SLC16A10: variants seen among roughly 807,000 people sequenced by gnomAD.
SLC16A10 encodes monocarboxylate transporter 10.
In SLC16A10, 27 loss-of-function variants were observed where a neutral mutation model predicts 40.0. That is an observed-to-expected ratio of 0.67 (90% CI 0.50 to 0.93). SLC16A10 has a LOEUF of 0.93. Ranked by LOEUF, SLC16A10 falls within the 40% of genes least tolerant of loss-of-function variation. SLC16A10 has a pLI of 0.00. For synonymous variants in SLC16A10, 213 were observed against 249.8 expected, an observed-to-expected ratio of 0.85 and a Z score of 1.39; for missense variants, 529 against 658.2, an observed-to-expected ratio of 0.80 and a Z score of 2.15.
At chr6:111,180,288 A>G (rs549565630) in intron 3 of SLC16A10, among the ~76,000 whole-genome samples, 1 of 152,348 alleles carries the variant, frequency 6.6e-6, no homozygotes, top group African/African-American at 2.4e-5. Context: ...TCACGCCTAT[A>G]ATCTCACCAC....
chr6:111,118,512 T>C (rs1771528141), intron 1 of SLC16A10, among the ~76,000 whole-genome samples: 1 of 151,818 alleles, frequency 6.6e-6, no homozygotes, highest in East Asian at 1.9e-4. Flanking sequence ...AAACCCTGTC[T>C]CTACTAAAAA....
chr6:111,087,977 G>A lies in SLC16A10; in HGVS notation c.225G>A (p.Leu75=), dbSNP rs779330400. Reference sequence around the variant, plus strand: ...GCGGCTGGGGCTGGCTGGTGATGCTGGCGGCCATGTGGTGCAACGGGTCGG... The same window carrying A: ...GCGGCTGGGGCTGGCTGGTGATGCTAGCGGCCATGTGGTGCAACGGGTCGG... ...PEGGWGWLVM[L]AAMWCNGSVF... Residue 75 remains leucine (L), a synonymous_variant, in exon 1 of 6, where the codon CTG becomes CTA. Coordinates refer to ENST00000368851, the MANE Select transcript of SLC16A10 (RefSeq NM_018593.5). 2.5e-6 allele frequency: 4 copies of A among 1,611,244 alleles called. No individual in the cohort carries two copies. Among genetic ancestry groups the A allele is most frequent in the African/African-American group, 1.3e-5 (1 of 74,834 alleles).
At position 111,142,880 on chromosome 6, in the gene SLC16A10, G is replaced by T. The variant is rs111254256; in HGVS notation, c.344-29815G>T. 2.5e-3 allele frequency among the ~76,000 whole-genome samples: 388 copies of T among 152,322 alleles called. 2 individuals are homozygous for T. The highest frequency in any genetic ancestry group is 8.8e-3 in the African/African-American group (367 of 41,564). ...TGCAGTCCTTGATATTTACCCAAAG[G>T]AGTTGAAAACTTATATTCACACAGA... On this transcript the variant is annotated intron_variant, in intron 1 of 5. Coordinates refer to ENST00000368851, the MANE Select transcript of SLC16A10 (RefSeq NM_018593.5).
At chr6:111,203,115 A>T (rs1258368214) in intron 3 of SLC16A10, among the ~76,000 whole-genome samples, 1 of 152,176 alleles carries the variant, frequency 6.6e-6, no homozygotes, top group Non-Finnish European at 1.5e-5. Flanking sequence ...ACAACTCTTT[A>T]TTAGAAATAT....
At chr6:111,221,562 G>A (rs560383715) in intron 5 of SLC16A10, among the ~76,000 whole-genome samples, 93 of 152,012 alleles carry the variant, frequency 6.1e-4, no homozygotes, top group African/African-American at 2.1e-3. Flanking sequence ...CCTGGGTAAT[G>A]TGACAAAACC....
At chr6:111,103,096 G>C (rs943669568) in intron 1 of SLC16A10, among the ~76,000 whole-genome samples, 1 of 151,984 alleles carries the variant, frequency 6.6e-6, no homozygotes, top group Admixed American at 6.6e-5. Flanking sequence ...TGTAGAGACG[G>C]GGTTTCGCCA....
At chr6:111,140,957 T>A (rs1036083151) in intron 1 of SLC16A10, among the ~76,000 whole-genome samples, 2 of 152,074 alleles carry the variant, frequency 1.3e-5, no homozygotes, top group African/African-American at 2.4e-5. Flanking sequence ...AGCTAATTTT[T>A]AAATTGTTTT....
intron 1 of SLC16A10, among the ~76,000 whole-genome samples, chr6:111,170,950 C>G (rs1183410908): frequency 1.3e-5 from 2 of 151,946 alleles, no homozygotes; most frequent in Non-Finnish European, 2.9e-5. Context: ...CCAGCCTGGG[C>G]AACATGGCGA....
chr6:111,090,057 A>G (rs1281919449), intron 1 of SLC16A10, among the ~76,000 whole-genome samples: 1 of 146,426 alleles, frequency 6.8e-6, no homozygotes, highest in Admixed American at 6.7e-5. Context: ...AATTGGCTAC[A>G]CAATATCCCA....
rs976310775 is a variant in SLC16A10 at position 111,087,644 on chromosome 6, C to G, written c.-109C>G. ...CCCGCCCGCCAGGGGCTCCGCCGCC[C>G]TCGCCTCGGCCTCGTTAGCCCGCCA... On this transcript the variant is annotated 5_prime_UTR_variant, in exon 1 of 6. Transcript: ENST00000368851. 7.2e-5 allele frequency: 44 copies of G among 612,280 alleles called. No individual in the cohort carries two copies. The African/African-American group carries it at 7.6e-4, about 11-fold the overall frequency. The allele number at this position is 612,280 out of a possible 1,614,324, so 37.9% of individuals were successfully genotyped here.
rs1461555791 is a variant in SLC16A10 at position 111,222,068 on chromosome 6, A to T, written c.1381A>T (p.Ile461Phe). ...CTACCTCGCTGGAGTCCCTCCCCTT[A>T]TTGGAGGTGCTGTGCTTTGTTTTAT... is the stretch of plus-strand genomic sequence containing the variant. Reference protein sequence around the residue: ...AFYLAGVPPLIGGAVLCFIPW... With the variant: ...AFYLAGVPPLFGGAVLCFIPW... The change falls in exon 6 of 6, where the codon ATT (isoleucine) becomes TTT (phenylalanine). Residue 461 changes from isoleucine to phenylalanine, a missense_variant. Coordinates refer to ENST00000368851, the MANE Select transcript of SLC16A10 (RefSeq NM_018593.5). 2 of 1,610,616 alleles carry T rather than the reference A, an allele frequency of 1.2e-6. No homozygotes were observed. Among genetic ancestry groups the T allele is most frequent in the Non-Finnish European group, 1.7e-6 (2 of 1,179,154 alleles).
intron 1 of SLC16A10, among the ~76,000 whole-genome samples, chr6:111,120,702 C>T (rs953570012): frequency 3.9e-5 from 6 of 152,130 alleles, no homozygotes; most frequent in African/African-American, 1.2e-4. Flanking sequence ...CCAGCAGATA[C>T]TGTAGATTAT....
chr6:111,107,725 A>G (rs902590349), intron 1 of SLC16A10, among the ~76,000 whole-genome samples: 26 of 152,230 alleles, frequency 1.7e-4, no homozygotes, highest in African/African-American at 6.3e-4. Flanking sequence ...CAAGAGGTGG[A>G]AGTGATCTAG....
At chr6:111,172,114 G>A (rs185273941) in intron 1 of SLC16A10, among the ~76,000 whole-genome samples, 3 of 152,272 alleles carry the variant, frequency 2.0e-5, no homozygotes, top group East Asian at 3.9e-4. Context: ...ATTCTAGAAA[G>A]GTATGTGTTT....
At chr6:111,118,392 G>A (rs1771525641) in intron 1 of SLC16A10, among the ~76,000 whole-genome samples, 1 of 152,102 alleles carries the variant, frequency 6.6e-6, no homozygotes. Context: ...CTGTAAAGAT[G>A]AATTATTGGC....
intron 1 of SLC16A10, among the ~76,000 whole-genome samples, chr6:111,128,711 G>A (rs538820786): frequency 6.6e-6 from 1 of 152,016 alleles, no homozygotes; most frequent in African/African-American, 2.4e-5. Context: ...AGATGGAAGG[G>A]GGCTTGCCAG....
In SLC16A10 at chr6:111,087,629, A is replaced by G. The variant is rs34764396; in HGVS notation, c.-124A>G. On this transcript the variant is annotated 5_prime_UTR_variant, in exon 1 of 6. Coordinates refer to ENST00000368851, the MANE Select transcript of SLC16A10 (RefSeq NM_018593.5). Reference sequence around the variant, plus strand: ...CGCGCTGCCAGCCCGCCCGCCCGCCAGGGGCTCCGCCGCCCTCGCCTCGGC... The same window carrying G: ...CGCGCTGCCAGCCCGCCCGCCCGCCGGGGGCTCCGCCGCCCTCGCCTCGGC... 0.012 allele frequency: 5,437 copies of G among 468,214 alleles called. 40 individuals are homozygous for G. The highest frequency in any genetic ancestry group is 0.014 in the Middle Eastern group (20 of 1,428). 29.0% of individuals were successfully genotyped at this position (468,214 alleles called of 1,614,324 possible).
chr6:111,138,235 T>TAAG (rs1270940201), intron 1 of SLC16A10, among the ~76,000 whole-genome samples: 1 of 152,206 alleles, frequency 6.6e-6, no homozygotes, highest in Non-Finnish European at 1.5e-5. Context: ...TATTACTTAG[T>TAAG]AAGAGTTGGA....
intron 1 of SLC16A10, among the ~76,000 whole-genome samples, chr6:111,098,133 C>T (rs1028989481): frequency 1.8e-4 from 27 of 152,034 alleles, no homozygotes; most frequent in Admixed American, 1.6e-3. Flanking sequence ...ATGGAGAAAC[C>T]CTGTCTCTAC....
Sources: allele counts gnomAD v4.1 joint callset (sites outside exome capture counted in the v4.1 genomes callset), GRCh38; gene constraint gnomAD v4.1.1; transcripts MANE v1.5; gene names NCBI Gene and HGNC (gene_info 2026-07-23, HGNC 2026-07-21).